GNAT3: variants seen among roughly 807,000 people sequenced by gnomAD.
GNAT3 encodes the protein G protein subunit alpha transducin 3.
GNAT3 carries 31 observed loss-of-function variants against 37.7 expected under a neutral mutation model. That is an observed-to-expected ratio of 0.82 (90% CI 0.62 to 1.11). The LOEUF (loss-of-function observed/expected upper bound fraction) is 1.11. Ranked by LOEUF, GNAT3 falls within the 50% of genes most tolerant of loss-of-function variation. The pLI, the probability that GNAT3 is intolerant of heterozygous loss-of-function variation, is 0.00. For missense variants in GNAT3, 437 were observed against 412.5 expected (o/e 1.06, Z -0.51); for synonymous variants, 138 against 139.8 (o/e 0.99, Z 0.09).
chr7:80,500,693 A>T (rs1790816314), intron 1 of GNAT3, among the ~76,000 whole-genome samples: 1 of 152,036 alleles, frequency 6.6e-6, no homozygotes, highest in Admixed American at 6.6e-5. Flanking sequence ...GACTAAGGAA[A>T]TTCTCTTCTA....
At chr7:80,470,459 A>G (rs999539673) in intron 5 of GNAT3, among the ~76,000 whole-genome samples, 10 of 152,050 alleles carry the variant, frequency 6.6e-5, no homozygotes, top group Non-Finnish European at 1.5e-4. Context: ...GACCTCAAGT[A>G]ATCCACCAGC....
At chr7:80,506,301 C>T (rs1047790641) in intron 1 of GNAT3, among the ~76,000 whole-genome samples, 3 of 152,090 alleles carry the variant, frequency 2.0e-5, no homozygotes, top group African/African-American at 7.2e-5. Context: ...TATCATTTGG[C>T]TAAGTGTGGA....
At chr7:80,491,608 G>C (rs1343228693) in intron 2 of GNAT3, among the ~76,000 whole-genome samples, 1 of 152,074 alleles carries the variant, frequency 6.6e-6, no homozygotes, top group Non-Finnish European at 1.5e-5. Flanking sequence ...AAGAGTTCTA[G>C]AAGCTGAAGA....
intron 7 of GNAT3, 146 bp downstream of exon 7, chr7:80,462,013 G>A (rs960885589): frequency 8.2e-6 from 5 of 606,672 alleles, no homozygotes; most frequent in African/African-American, 7.4e-5. Context: ...TTATTTGTAA[G>A]ATTTTTTTTC....
At chr7:80,478,747 C>T (rs976553296) in intron 4 of GNAT3, 94 bp downstream of exon 4, 24 of 1,193,274 alleles carry the variant, frequency 2.0e-5, no homozygotes, top group African/African-American at 1.2e-4. Flanking sequence ...CATTTATTTT[C>T]CTCATTTGAA....
intron 1 of GNAT3, among the ~76,000 whole-genome samples, chr7:80,510,751 A>T (rs1364753812): frequency 6.6e-6 from 1 of 152,186 alleles, no homozygotes; most frequent in Non-Finnish European, 1.5e-5. Context: ...GGAATCCCAC[A>T]GTTGGCTTCT....
intron 1 of GNAT3, among the ~76,000 whole-genome samples, chr7:80,497,615 CAT>C (rs1790751454): frequency 8.5e-6 from 1 of 117,130 alleles, no homozygotes; most frequent in Non-Finnish European, 1.7e-5. Flanking sequence ...TACGTATATA[CAT>C]ATACGTATAT....
chr7:80,486,482 G>A (rs1236243832), intron 3 of GNAT3: 1 of 147,042 alleles, frequency 6.8e-6, no homozygotes, highest in African/African-American at 2.5e-5. Context: ...GTCTTGCTCT[G>A]TTGCCCAGGC....
intron 5 of GNAT3, 64 bp from the exon 6 acceptor site, chr7:80,462,695 T>C: frequency 7.3e-7 from 1 of 1,371,174 alleles, no homozygotes; most frequent in Non-Finnish European, 1.0e-6. Context: ...GCATTGAGGT[T>C]AACATTTAGA....
intron 5 of GNAT3, among the ~76,000 whole-genome samples, chr7:80,468,450 C>G (rs1790158923): frequency 6.6e-6 from 1 of 152,036 alleles, no homozygotes; most frequent in Non-Finnish European, 1.5e-5. Context: ...CTGACATTCT[C>G]TACTATGTAT....
chr7:80,459,152 G>A (rs1790006392), intron 7 of GNAT3, among the ~76,000 whole-genome samples: 1 of 152,160 alleles, frequency 6.6e-6, no homozygotes, highest in Non-Finnish European at 1.5e-5. Flanking sequence ...AACACTGTGT[G>A]TGTGTTTGTG....
intron 3 of GNAT3, chr7:80,486,700 C>G (rs545397851): frequency 4.1e-5 from 6 of 147,200 alleles, no homozygotes; most frequent in African/African-American, 1.3e-4. Flanking sequence ...GTCTGGAACT[C>G]CCGGGCTCAA....
At chr7:80,510,680 A>T (rs1791049505) in intron 1 of GNAT3, among the ~76,000 whole-genome samples, 1 of 152,176 alleles carries the variant, frequency 6.6e-6, no homozygotes, top group Non-Finnish European at 1.5e-5. Flanking sequence ...GCCTGTGTGC[A>T]GGCACAGAAC....
intron 5 of GNAT3, among the ~76,000 whole-genome samples, chr7:80,470,267 G>A (rs1350628137): frequency 3.3e-5 from 5 of 152,082 alleles, no homozygotes; most frequent in Admixed American, 1.3e-4. Flanking sequence ...TGTCACCCAG[G>A]CTAGAGCGCA....
intron 3 of GNAT3, among the ~76,000 whole-genome samples, chr7:80,483,765 C>G (rs113231797): frequency 0.018 from 2,782 of 152,110 alleles, 79 homozygotes; most frequent in African/African-American, 0.064. Flanking sequence ...CTTTTTCACT[C>G]AAGTCTCTTC....
At chr7:80,511,559 CAT>C (rs1791064833) in intron 1 of GNAT3, among the ~76,000 whole-genome samples, 1 of 151,830 alleles carries the variant, frequency 6.6e-6, no homozygotes, top group Non-Finnish European at 1.5e-5. Flanking sequence ...AATAGTAAAC[CAT>C]ATTACTGACA....
intron 1 of GNAT3, among the ~76,000 whole-genome samples, chr7:80,498,876 T>G (rs990321898): frequency 6.6e-6 from 1 of 152,138 alleles, no homozygotes; most frequent in African/African-American, 2.4e-5. Context: ...ATAAATTATT[T>G]TATTTTTAAT....
intron 7 of GNAT3, among the ~76,000 whole-genome samples, chr7:80,461,859 T>C (rs1056412576): frequency 6.6e-6 from 1 of 152,212 alleles, no homozygotes; most frequent in African/African-American, 2.4e-5. Context: ...AAGATTTGCA[T>C]TCCTGTTATA....
At chr7:80,487,511 A>T (rs1026723536) in intron 3 of GNAT3, among the ~76,000 whole-genome samples, 5 of 152,188 alleles carry the variant, frequency 3.3e-5, no homozygotes, top group African/African-American at 1.2e-4. Flanking sequence ...CATTAAGAGC[A>T]CAGAAAAGGC....
Sources: allele counts gnomAD v4.1 joint callset (sites outside exome capture counted in the v4.1 genomes callset), GRCh38; gene constraint gnomAD v4.1.1; transcripts MANE v1.5; gene names NCBI Gene and HGNC (gene_info 2026-07-23, HGNC 2026-07-21).